Variants in MACROD2 observed in about 807,000 individuals in gnomAD.
MACROD2 encodes ADP-ribose glycohydrolase MACROD2.
MACROD2 carries 36 observed loss-of-function variants against 70.4 expected under a neutral mutation model. The observed-to-expected ratio is 0.51, with a 90% CI of 0.39 to 0.68. MACROD2 has a LOEUF of 0.68. Ranked by LOEUF, MACROD2 falls within the 30% of genes least tolerant of loss-of-function variation. The pLI is 0.00. For synonymous variants in MACROD2, 172 were observed against 178.8 expected (o/e 0.96, Z 0.30); for missense variants, 496 against 538.4 (o/e 0.92, Z 0.78).
At chr20:15,745,451 C>G (rs2051168619) in intron 8 of MACROD2, among the ~76,000 whole-genome samples, 1 of 152,056 alleles carries the variant, frequency 6.6e-6, no homozygotes, top group Non-Finnish European at 1.5e-5. Context: ...GATGGTCAAC[C>G]TTCTTTTCTC....
chr20:14,547,966 T>C (rs1005547454), intron 4 of MACROD2, among the ~76,000 whole-genome samples: 6 of 152,294 alleles, frequency 3.9e-5, no homozygotes, highest in Middle Eastern at 3.4e-3. Flanking sequence ...TCCTGAGGGA[T>C]AGAGTAGTAA....
chr20:15,734,174 G>A (rs556374876), intron 8 of MACROD2, among the ~76,000 whole-genome samples: 1 of 152,320 alleles, frequency 6.6e-6, no homozygotes, highest in East Asian at 1.9e-4. Flanking sequence ...AGTACCCTAT[G>A]CAAAGGCACT....
intron 5 of MACROD2, among the ~76,000 whole-genome samples, chr20:15,213,278 T>C (rs2076779698): frequency 6.6e-6 from 1 of 152,124 alleles, no homozygotes; most frequent in Non-Finnish European, 1.5e-5. Context: ...CGTCCTTACT[T>C]GTCTTCAATT....
At chr20:15,308,837 C>G (rs1004221609) in intron 6 of MACROD2, among the ~76,000 whole-genome samples, 1 of 152,192 alleles carries the variant, frequency 6.6e-6, no homozygotes, top group Non-Finnish European at 1.5e-5. Flanking sequence ...CTCAGCAACT[C>G]CACTGAAGTC....
At position 15,343,744 on chromosome 20, in the gene MACROD2, G is replaced by A. The variant is rs1315569273; in HGVS notation, c.541-87661G>A. 2.0e-5 allele frequency among the ~76,000 whole-genome samples: 3 copies of A among 152,288 alleles called. No individual in the cohort carries two copies. The East Asian group carries it at 5.8e-4, about 29-fold the overall frequency. ...ACATTCATCCTTCCTAAAAGGACCTGAGATTTTTATTCAAAGATTCCAGAA... is the reference window on the plus strand; with the variant it reads ...ACATTCATCCTTCCTAAAAGGACCTAAGATTTTTATTCAAAGATTCCAGAA... On this transcript the variant is annotated intron_variant, in intron 6 of 17. Transcript: ENST00000684519.
chr20:15,989,580 A>G (rs1236226394), intron 15 of MACROD2, among the ~76,000 whole-genome samples: 3 of 152,048 alleles, frequency 2.0e-5, no homozygotes, highest in African/African-American at 7.3e-5. Flanking sequence ...TCAAAGTAGC[A>G]ATTTTTTTTA....
chr20:15,725,945 C>A (rs562959335), intron 8 of MACROD2, among the ~76,000 whole-genome samples: 1 of 151,614 alleles, frequency 6.6e-6, no homozygotes, highest in African/African-American at 2.4e-5. Flanking sequence ...TATAGGTAAA[C>A]CTTTATATAG....
rs113532830 is a variant in MACROD2 at position 14,965,279 on chromosome 20, A to G, written c.419-264661A>G. On this transcript the variant is annotated intron_variant, in intron 5 of 17. Transcript: ENST00000684519. ...ATCAATATTTGAAGTTATATATTCA[A>G]TATTCATTACAATATTCTGAAACTA... 5.1e-3 allele frequency among the ~76,000 whole-genome samples: 778 copies of G among 152,158 alleles called. 6 individuals are homozygous for G. The highest frequency in any genetic ancestry group is 0.018 in the African/African-American group (733 of 41,500).
chr20:14,917,124 G>A (rs2074102065), intron 5 of MACROD2, among the ~76,000 whole-genome samples: 1 of 151,126 alleles, frequency 6.6e-6, no homozygotes, highest in South Asian at 2.1e-4. Flanking sequence ...GACCCAGGGG[G>A]CTTATTGCTT....
chr20:14,258,796 T>C (rs1568525199), intron 3 of MACROD2, among the ~76,000 whole-genome samples: 1 of 152,218 alleles, frequency 6.6e-6, no homozygotes, highest in Non-Finnish European at 1.5e-5. Context: ...AGCCAACGTC[T>C]AGAAGAGTTT....
intron 6 of MACROD2, among the ~76,000 whole-genome samples, chr20:15,385,424 A>G (rs947974363): frequency 6.6e-6 from 1 of 152,204 alleles, no homozygotes; most frequent in African/African-American, 2.4e-5. Context: ...CCTGAGGCAC[A>G]ATCATATTTA....
chr20:14,161,738 C>T (rs2055193294), intron 3 of MACROD2, among the ~76,000 whole-genome samples: 1 of 151,968 alleles, frequency 6.6e-6, no homozygotes, highest in African/African-American at 2.4e-5. Flanking sequence ...CACCACACCA[C>T]CACACCCGTT....
chr20:14,301,772 A>G (rs1176371377), intron 3 of MACROD2, among the ~76,000 whole-genome samples: 1 of 152,158 alleles, frequency 6.6e-6, no homozygotes, highest in Non-Finnish European at 1.5e-5. Context: ...TTATTGATTT[A>G]ACCTGTTTCC....
At chr20:15,437,792 G>T (rs1200160442) in intron 7 of MACROD2, among the ~76,000 whole-genome samples, 1 of 152,024 alleles carries the variant, frequency 6.6e-6, no homozygotes, top group African/African-American at 2.4e-5. Flanking sequence ...AAGGATAATA[G>T]CTTCCAGCTG....
intron 3 of MACROD2, among the ~76,000 whole-genome samples, chr20:14,315,407 C>T (rs576781179): frequency 6.6e-6 from 1 of 152,202 alleles, no homozygotes; most frequent in African/African-American, 2.4e-5. Context: ...TTCATTCATT[C>T]TTTTATTCAT....
intron 4 of MACROD2, among the ~76,000 whole-genome samples, chr20:14,549,814 TGA>T (rs1393340340): frequency 6.6e-6 from 1 of 152,212 alleles, no homozygotes; most frequent in Non-Finnish European, 1.5e-5. Context: ...ATCACTGTGG[TGA>T]AATCTCTTAA....
chr20:14,939,841 A>C (rs2074374455), intron 5 of MACROD2, among the ~76,000 whole-genome samples: 1 of 151,808 alleles, frequency 6.6e-6, no homozygotes, highest in Non-Finnish European at 1.5e-5. Context: ...ATTGATTCCT[A>C]AGTATTTTAT....
intron 5 of MACROD2, among the ~76,000 whole-genome samples, chr20:15,199,111 C>T (rs1031912626): frequency 3.0e-4 from 46 of 151,198 alleles, no homozygotes; most frequent in African/African-American, 1.0e-3. Flanking sequence ...TGGCTGATGC[C>T]TGCAATCCTA....
intron 5 of MACROD2, among the ~76,000 whole-genome samples, chr20:14,931,663 A>G (rs1433827954): frequency 6.6e-6 from 1 of 152,080 alleles, no homozygotes; most frequent in African/African-American, 2.4e-5. Context: ...CCTCCCACAT[A>G]GCTTTAAATT....
Sources: gnomAD v4.1 joint callset for allele counts (sites outside exome capture counted in the v4.1 genomes callset) on GRCh38, gnomAD v4.1.1 for gene constraint, MANE v1.5 for transcripts, NCBI Gene and HGNC (gene_info 2026-07-23, HGNC 2026-07-21) for gene names.